The following ERGIC1 variants were observed in gnomAD, a reference collection of about 807,000 sequenced individuals.
ERGIC1 encodes the protein endoplasmic reticulum-golgi intermediate compartment 1, also known as endoplasmic reticulum-Golgi intermediate compartment protein 1.
Under a neutral mutation model 38.3 loss-of-function variants are expected in ERGIC1, and 19 were observed. The observed-to-expected ratio is 0.50, with a 90% confidence interval of 0.35 to 0.73. The LOEUF (loss-of-function observed/expected upper bound fraction) is 0.73. Among genes scored for constraint, ERGIC1 ranks in the 30% least tolerant of loss-of-function variants. The pLI is 0.01. For missense variants in ERGIC1, 294 were observed against 389.2 expected (o/e 0.76, Z 2.06); for synonymous variants, 124 against 157.6 (o/e 0.79, Z 1.60).
intron 1 of ERGIC1, among the ~76,000 whole-genome samples, chr5:172,863,805 C>T (rs1581522178): frequency 6.6e-6 from 1 of 152,250 alleles, no homozygotes; most frequent in Admixed American, 6.5e-5. Context: ...TGTGTCACAG[C>T]ACTGCATGTG....
intron 8 of ERGIC1, chr5:172,933,822 G>A (rs1163515011): frequency 6.6e-6 from 1 of 152,014 alleles, no homozygotes; most frequent in Non-Finnish European, 1.5e-5. Flanking sequence ...TAGCCACTGT[G>A]TGCCTCAGTT....
Position 172,834,939 on chromosome 5 carries a change from G to A in ERGIC1, c.20+506G>A, listed in dbSNP as rs112743668. Reference sequence around the variant, plus strand: ...GAGGCTCCCCCAGGCCGGGCAGATCGGGAGGCCTGCCCCCGCCCCTCCCTC... The same window carrying A: ...GAGGCTCCCCCAGGCCGGGCAGATCAGGAGGCCTGCCCCCGCCCCTCCCTC... On this transcript the variant is annotated intron_variant, in intron 1 of 9. Transcript: ENST00000393784. This position sits in a 1 kb window ranked among gnomAD's most constrained non-coding sequence, Gnocchi z 4.1. Among the ~76,000 whole-genome samples, 4,405 of 152,266 alleles carry A rather than the reference G, an allele frequency of 0.029. 108 individuals are homozygous for A. The highest frequency in any genetic ancestry group is 0.064 in the African/African-American group (2,659 of 41,548).
intron 1 of ERGIC1, among the ~76,000 whole-genome samples, chr5:172,863,978 T>C (rs1020747855): frequency 6.6e-5 from 10 of 152,080 alleles, no homozygotes; most frequent in Non-Finnish European, 1.3e-4. Context: ...GGCGGATCAC[T>C]TGCGGTCAGG....
intron 1 of ERGIC1, among the ~76,000 whole-genome samples, chr5:172,856,899 G>T (rs1212992395): frequency 6.6e-6 from 1 of 152,206 alleles, no homozygotes; most frequent in South Asian, 2.1e-4. Flanking sequence ...CCTCACGGTT[G>T]TGTGAAACGT....
At chr5:172,910,520 C>CTTTTT (rs58360974) in intron 4 of ERGIC1, among the ~76,000 whole-genome samples, 93 of 138,974 alleles carry the variant, frequency 6.7e-4, no homozygotes, top group East Asian at 1.7e-3. Flanking sequence ...TGAATTACTT[C>CTTTTT]TTTTTTTTTT....
At chr5:172,842,267 A>G (rs1761180017) in intron 1 of ERGIC1, among the ~76,000 whole-genome samples, 1 of 152,230 alleles carries the variant, frequency 6.6e-6, no homozygotes, top group South Asian at 2.1e-4. Flanking sequence ...TAGATACTTC[A>G]TGTAAGTGGA....
At position 172,950,824 on chromosome 5, in the gene ERGIC1, C is replaced by A; in HGVS notation, c.*8C>A. ...CTGGGCAAGATGCATTGACGCCACA[C>A]CCAGCCTAATGGCCGAGGACCCTGG... On this transcript the variant is annotated 3_prime_UTR_variant, in exon 10 of 10. Transcript: ENST00000393784. The A allele has an allele frequency of 6.2e-7, 1 of 1,604,254 alleles. No homozygotes were observed. Among genetic ancestry groups the A allele is most frequent in the Non-Finnish European group, 8.5e-7 (1 of 1,172,602 alleles).
chr5:172,926,495 G>A lies in ERGIC1; in HGVS notation c.481-14G>A, dbSNP rs1763654130. 6.2e-7 allele frequency: 1 copy of A among 1,613,600 alleles called. No homozygotes were observed. The highest frequency in any genetic ancestry group is 8.5e-7 in the Non-Finnish European group (1 of 1,180,008). On this transcript the variant is annotated splice_polypyrimidine_tract_variant and intron_variant, in intron 6 of 9. Transcript: ENST00000393784. The surrounding 1 kb of genome is among the most constrained non-coding windows in gnomAD (Gnocchi z 5.2). ...GTGTCCTGGGGACCATCCCCTCACT[G>A]CATTTTTCCACAGGTCCAGAACATC...
At chr5:172,847,257 G>A (rs1333198001) in intron 1 of ERGIC1, among the ~76,000 whole-genome samples, 2 of 152,150 alleles carry the variant, frequency 1.3e-5, no homozygotes, top group Non-Finnish European at 2.9e-5. Flanking sequence ...AGGTCAAGAT[G>A]TGGGGCCATC....
chr5:172,889,953 A>G lies in ERGIC1; in HGVS notation c.82+1193A>G, dbSNP rs1468280437. On this transcript the variant is annotated intron_variant, in intron 2 of 9. Coordinates refer to ENST00000393784, the MANE Select transcript of ERGIC1 (RefSeq NM_001031711.3). ...TTCAGATTTGGGATACTCAACGTGTATGTAGCTATTCTCCCATCCAGGTGG... is the reference window on the plus strand; with the variant it reads ...TTCAGATTTGGGATACTCAACGTGTGTGTAGCTATTCTCCCATCCAGGTGG... Among the ~76,000 whole-genome samples, 3 of 152,328 alleles carry G rather than the reference A, an allele frequency of 2.0e-5. No individual in the cohort carries two copies. The East Asian group carries it at 5.8e-4, about 29-fold the overall frequency.
intron 5 of ERGIC1, chr5:172,916,821 C>CA (rs55912501): frequency 0.037 from 5,582 of 150,124 alleles, 103 homozygotes; most frequent in South Asian, 0.094. Context: ...ACTAAAAATA[C>CA]AAAAAAAAAC....
In ERGIC1 at chr5:172,926,458, C is replaced by T. The variant is rs1763653289; in HGVS notation, c.481-51C>T. 1 of 1,608,616 alleles carries T rather than the reference C, an allele frequency of 6.2e-7. No individual in the cohort carries two copies. On this transcript the variant is annotated intron_variant, in intron 6 of 9. Transcript: ENST00000393784. This position sits in a 1 kb window ranked among gnomAD's most constrained non-coding sequence, Gnocchi z 5.2. ...CCATCCCCCACAACCAGGGCCAGGC[C>T]TGGAGGTGGAGGTGTCCTGGGGACC...
rs111572862 is a variant in ERGIC1, at chr5:172,900,671, C to T, written c.155+3597C>T. On this transcript the variant is annotated intron_variant, in intron 3 of 9. Transcript: ENST00000393784. ...GCTGCAGTGAGCCATGATTGCACCA[C>T]GGCACTCCAGCCTGGGAGACAGAGC... 9.2e-3 allele frequency among the ~76,000 whole-genome samples: 1,377 copies of T among 150,236 alleles called. 32 individuals carry two copies. Among genetic ancestry groups the T allele is most frequent in the African/African-American group, 0.032 (1,302 of 40,644 alleles).
intron 1 of ERGIC1, among the ~76,000 whole-genome samples, chr5:172,835,864 C>G (rs61285546): frequency 0.25 from 38,646 of 152,128 alleles, 5,472 homozygotes; most frequent in East Asian, 0.38. Context: ...TGAACAAGGA[C>G]AGCCCCTCTG....
intron 1 of ERGIC1, among the ~76,000 whole-genome samples, chr5:172,839,809 G>A (rs564536833): frequency 6.6e-6 from 1 of 152,272 alleles, no homozygotes; most frequent in African/African-American, 2.4e-5. Flanking sequence ...CACTTTACAG[G>A]TGAGCCAGTG....
At chr5:172,914,539 C>G in intron 4 of ERGIC1, 175 bp from the exon 5 acceptor site, 4 of 1,035,896 alleles carry the variant, frequency 3.9e-6, no homozygotes, top group Non-Finnish European at 5.8e-6. Flanking sequence ...TCACGTTTAG[C>G]GGAGTCATTG....
At chr5:172,859,192 A>G (rs1400326632) in intron 1 of ERGIC1, among the ~76,000 whole-genome samples, 1 of 151,800 alleles carries the variant, frequency 6.6e-6, no homozygotes, top group Non-Finnish European at 1.5e-5. Context: ...TTTTTCCTCT[A>G]TGATTTTTCC....
At chr5:172,871,618 A>C (rs755622817) in intron 1 of ERGIC1, among the ~76,000 whole-genome samples, 3 of 152,054 alleles carry the variant, frequency 2.0e-5, no homozygotes, top group Non-Finnish European at 4.4e-5. Flanking sequence ...TGCTCCCAGC[A>C]CCTAGATCAG....
chr5:172,883,827 TA>T (rs1466586050), intron 1 of ERGIC1, among the ~76,000 whole-genome samples: 2 of 151,992 alleles, frequency 1.3e-5, no homozygotes, highest in Non-Finnish European at 2.9e-5. Context: ...ACAAAAAAAT[TA>T]AAAAATTAGC....
Sources: allele counts gnomAD v4.1 joint callset (sites outside exome capture counted in the v4.1 genomes callset), GRCh38; gene constraint gnomAD v4.1.1; non-coding constraint Gnocchi (gnomAD v3.1); transcripts MANE v1.5; gene names NCBI Gene and HGNC (gene_info 2026-07-23, HGNC 2026-07-21).